PCNX2: variants seen among roughly 807,000 people sequenced by gnomAD.
PCNX2 encodes pecanex-like protein 2.
Under a neutral mutation model 223.8 loss-of-function variants are expected in PCNX2, and 168 were observed. That is an observed-to-expected ratio of 0.75 (90% CI 0.66 to 0.85). The LOEUF is 0.85. Among genes scored for constraint, PCNX2 ranks in the 40% least tolerant of loss-of-function variants. The pLI, the probability that PCNX2 is intolerant of heterozygous loss-of-function variation, is 0.00. For synonymous variants in PCNX2, 1,006 were observed against 1,052.6 expected (o/e 0.96, Z 0.86); for missense variants, 2,507 against 2,675.5 (o/e 0.94, Z 1.39).
intron 17 of PCNX2, among the ~76,000 whole-genome samples, chr1:233,163,257 AG>A (rs1678602499): frequency 6.6e-6 from 1 of 151,916 alleles, no homozygotes; most frequent in Non-Finnish European, 1.5e-5. Context: ...AGGCCAAGAC[AG>A]GTGGATCACT....
chr1:233,102,365 T>A (rs1442116338), intron 21 of PCNX2, among the ~76,000 whole-genome samples: 1 of 152,180 alleles, frequency 6.6e-6, no homozygotes, highest in Non-Finnish European at 1.5e-5. Context: ...CTTTTTAATA[T>A]GGCGATTTCT....
chr1:233,270,550 A>C (rs547201919), intron 1 of PCNX2, among the ~76,000 whole-genome samples: 1 of 152,194 alleles, frequency 6.6e-6, no homozygotes, highest in African/African-American at 2.4e-5. Flanking sequence ...ATACCTGTTT[A>C]AAAATGATGA....
intron 25 of PCNX2, among the ~76,000 whole-genome samples, chr1:233,051,871 A>T (rs982673898): frequency 2.6e-5 from 4 of 152,196 alleles, no homozygotes; most frequent in African/African-American, 7.2e-5. Context: ...TTTAAAAAGG[A>T]ATATACTAAA....
intron 23 of PCNX2, among the ~76,000 whole-genome samples, chr1:233,065,887 C>G (rs766895319): frequency 1.3e-5 from 2 of 152,122 alleles, no homozygotes; most frequent in African/African-American, 2.4e-5. Flanking sequence ...CTGGTGAAAC[C>G]CAACCTTCAA....
intron 26 of PCNX2, among the ~76,000 whole-genome samples, chr1:233,024,064 C>A (rs1670999438): frequency 6.6e-6 from 1 of 152,110 alleles, no homozygotes; most frequent in African/African-American, 2.4e-5. Flanking sequence ...AGGTATGAAC[C>A]CCATATCTAG....
At chr1:233,208,782 TTATACA>T (rs1681638237) in intron 12 of PCNX2, 93 bp from the exon 13 acceptor site, 2 of 793,932 alleles carry the variant, frequency 2.5e-6, no homozygotes, top group African/African-American at 2.1e-5. Flanking sequence ...ATCATATAAC[TTATACA>T]TATAACACAT....
At position 232,991,053 on chromosome 1, in the gene PCNX2, T is replaced by A. The variant is rs181778494; in HGVS notation, c.5792-4513A>T. ...GCCCACCTGAGCGTCCACCGTGGGC[T>A]GCACTGTCCTAGGTGCCGGGCAGTG... On this transcript the variant is annotated intron_variant, in intron 32 of 33. Coordinates refer to ENST00000258229, the MANE Select transcript of PCNX2 (RefSeq NM_014801.4). This position sits in a 1 kb window ranked among gnomAD's most constrained non-coding sequence, Gnocchi z 4.3. Among the ~76,000 whole-genome samples, 788 of 152,300 alleles carry A rather than the reference T, an allele frequency of 5.2e-3. 5 individuals are homozygous for A. Among genetic ancestry groups the A allele is most frequent in the African/African-American group, 0.018 (764 of 41,550 alleles).
At chr1:233,099,188 CTTGAGGCCATGGGCCTTCTG>C (rs1198223718) in intron 21 of PCNX2, among the ~76,000 whole-genome samples, 3 of 152,198 alleles carry the variant, frequency 2.0e-5, no homozygotes, top group Non-Finnish European at 4.4e-5. Flanking sequence ...ACCATGCCTC[CTTGAGGCCATGGGCCTTCTG>C]TGAACTACAG....
chr1:233,008,376 G>A (rs1670357296), intron 28 of PCNX2, among the ~76,000 whole-genome samples: 1 of 152,220 alleles, frequency 6.6e-6, no homozygotes. Flanking sequence ...TACAGGGTTG[G>A]AGGGATGGGA....
intron 1 of PCNX2, among the ~76,000 whole-genome samples, chr1:233,277,865 T>G (rs1477427131): frequency 6.6e-6 from 1 of 151,942 alleles, no homozygotes; most frequent in Non-Finnish European, 1.5e-5. Flanking sequence ...AGACCCATAT[T>G]TAAGGGAAAA....
chr1:233,152,126 G>A (rs2102803706), intron 19 of PCNX2, among the ~76,000 whole-genome samples: 1 of 152,324 alleles, frequency 6.6e-6, no homozygotes, highest in South Asian at 2.1e-4. Flanking sequence ...GCCTGGCAGG[G>A]AGGAAGGGAA....
intron 21 of PCNX2, among the ~76,000 whole-genome samples, chr1:233,105,567 G>T (rs1333024120): frequency 6.6e-6 from 1 of 152,132 alleles, no homozygotes; most frequent in Non-Finnish European, 1.5e-5. Context: ...GAGAGAGAAA[G>T]GAACATGGGG....
the PCNX2 span, among the ~76,000 whole-genome samples, chr1:233,306,370 A>G: frequency 1.3e-5 from 2 of 152,232 alleles, no homozygotes; most frequent in African/African-American, 4.8e-5. Flanking sequence ...CAGAAGATTA[A>G]CAAGGAAAGA....
chr1:233,188,635 G>C (rs1680243142), intron 15 of PCNX2, among the ~76,000 whole-genome samples: 1 of 151,986 alleles, frequency 6.6e-6, no homozygotes, highest in Admixed American at 6.6e-5. Context: ...TGATTCTCCT[G>C]CCTCAACCTC....
Position 232,998,345 on chromosome 1 carries a change from G to A in PCNX2, c.5697C>T (p.Ala1899=), listed in dbSNP as rs901716686. The change falls in exon 32 of 34, where the codon GCC becomes GCT. Residue 1899 remains alanine, a synonymous_variant. Coordinates refer to ENST00000258229, the MANE Select transcript of PCNX2 (RefSeq NM_014801.4). ...TGCTCTCCTGGCTGCCACCACTCGG[G>A]GCATTGTTGCCACCTGTCGTCGGGG... is the stretch of plus-strand genomic sequence containing the variant. ...GGAPTTGGNN[A]PSGGSQESSA... is the part of the protein sequence containing the mutation. The A allele has an allele frequency of 1.9e-6, 3 of 1,613,038 alleles. No homozygotes were observed. The highest frequency in any genetic ancestry group is 2.7e-5 in the African/African-American group (2 of 74,906).
intron 25 of PCNX2, among the ~76,000 whole-genome samples, chr1:233,031,042 G>C (rs139474723): frequency 1.3e-5 from 2 of 152,304 alleles, no homozygotes; most frequent in African/African-American, 4.8e-5. Context: ...CTGTAAACAA[G>C]AAAGCACCTC....
chr1:233,161,438 C>T (rs1476265301), intron 17 of PCNX2, 75 bp from the exon 18 acceptor site: 1 of 1,280,472 alleles, frequency 7.8e-7, no homozygotes, highest in Non-Finnish European at 1.1e-6. Context: ...GTAAATCAAG[C>T]AGCAGGACAT....
chr1:233,133,445 G>A (rs903598556), intron 21 of PCNX2, among the ~76,000 whole-genome samples: 14 of 152,102 alleles, frequency 9.2e-5, no homozygotes, highest in African/African-American at 3.4e-4. Flanking sequence ...CCAAGGCCAG[G>A]GTCTACAATA....
At chr1:233,068,219 G>A (rs530700423) in intron 23 of PCNX2, among the ~76,000 whole-genome samples, 2 of 152,098 alleles carry the variant, frequency 1.3e-5, no homozygotes, top group South Asian at 4.1e-4. Flanking sequence ...ATACAGTGAA[G>A]ATATCCTTTT....
Sources: gnomAD v4.1 joint callset for allele counts (sites outside exome capture counted in the v4.1 genomes callset) on GRCh38, gnomAD v4.1.1 for gene constraint, Gnocchi (gnomAD v3.1) non-coding constraint, MANE v1.5 for transcripts, NCBI Gene and HGNC (gene_info 2026-07-23, HGNC 2026-07-21) for gene names.